The following BEND6 variants were observed in gnomAD, a reference collection of about 807,000 sequenced individuals.
The protein encoded by BEND6 is BEN domain containing 6.
BEND6 carries 24 observed loss-of-function variants against 31.8 expected under a neutral mutation model. The observed-to-expected ratio is 0.75, with a 90% CI of 0.55 to 1.06. BEND6 has a LOEUF of 1.06. Among genes scored for constraint, BEND6 ranks in the 50% least tolerant of loss-of-function variants. The probability of loss-of-function intolerance (pLI) is 0.00; values close to 1 mark genes in which losing one functional copy is unlikely to be tolerated. For missense variants in BEND6, 294 were observed against 327.4 expected (o/e 0.90, Z 0.79); for synonymous variants, 109 against 114.6 (o/e 0.95, Z 0.31).
At chr6:56,972,184 T>C (rs1182506133) in intron 1 of BEND6, among the ~76,000 whole-genome samples, 1 of 143,142 alleles carries the variant, frequency 7.0e-6, no homozygotes, top group Non-Finnish European at 1.5e-5. Context: ...AACCTCCCCT[T>C]CCTGGGTTCA....
chr6:57,009,851 C>T (rs1827285384), intron 3 of BEND6: 1 of 152,162 alleles, frequency 6.6e-6, no homozygotes, highest in Non-Finnish European at 1.5e-5. Flanking sequence ...CTGAAAACAA[C>T]CAACTCATAA....
intron 1 of BEND6, among the ~76,000 whole-genome samples, 178 bp from the exon 2 acceptor site, chr6:56,981,533 T>C (rs1826068126): frequency 6.6e-6 from 1 of 152,188 alleles, no homozygotes; most frequent in Non-Finnish European, 1.5e-5. Flanking sequence ...TATGAAATTA[T>C]TTATGATGCT....
chr6:56,997,067 A>T (rs1826744622), intron 3 of BEND6, among the ~76,000 whole-genome samples: 1 of 151,858 alleles, frequency 6.6e-6, no homozygotes, highest in Non-Finnish European at 1.5e-5. Flanking sequence ...CCTCCCCTCC[A>T]CTTACTTCTC....
rs1827601219 is a variant in BEND6 at position 57,017,389 on chromosome 6, A to G, written c.702A>G (p.Gln234=). The part of the protein sequence containing the change: ...VKPAMNQNEV[Q]EIIGVTKQLF... Reference sequence around the variant, plus strand: ...CAGCTATGAATCAGAATGAAGTCCAAGAAATCATAGGTGATAATATGATTG... The same window carrying G: ...CAGCTATGAATCAGAATGAAGTCCAGGAAATCATAGGTGATAATATGATTG... Residue 234 remains glutamine, a synonymous_variant, in exon 5 of 7, where the codon CAA becomes CAG. Transcript: ENST00000370746. 6 of 1,364,482 alleles carry G rather than the reference A, an allele frequency of 4.4e-6. 1 individual carries two copies. In the Middle Eastern group the frequency reaches 7.8e-4, roughly 178 times the overall value. 84.5% of individuals were successfully genotyped at this position (1,364,482 alleles called of 1,614,324 possible).
At chr6:56,972,086 C>CTTTTTTTTT (rs35524907) in intron 1 of BEND6, among the ~76,000 whole-genome samples, 15 of 62,552 alleles carry the variant, frequency 2.4e-4, no homozygotes, top group Admixed American at 5.1e-4. Flanking sequence ...ACTTTACTTT[C>CTTTTTTTTT]TTTTTTTTTT....
At chr6:56,955,936 G>A (rs369076243) in intron 1 of BEND6, among the ~76,000 whole-genome samples, 6 of 152,240 alleles carry the variant, frequency 3.9e-5, no homozygotes, top group African/African-American at 1.4e-4. Context: ...GTGGCCAGGG[G>A]ATTTAACACT....
chr6:56,970,172 CTTATATTAT>C (rs1825641100), intron 1 of BEND6, among the ~76,000 whole-genome samples: 1 of 151,938 alleles, frequency 6.6e-6, no homozygotes, highest in Non-Finnish European at 1.5e-5. Context: ...AAGCTCTTGG[CTTATATTAT>C]TCCTCCAACC....
At position 56,993,528 on chromosome 6, in the gene BEND6, CA is replaced by C. The variant is rs1593000406; in HGVS notation, c.298+974del. Among the ~76,000 whole-genome samples, 5 of 152,264 alleles carry C rather than the reference CA, an allele frequency of 3.3e-5. No individual in the cohort carries two copies. In the East Asian group the frequency reaches 9.6e-4, roughly 29 times the overall value. ...TTGGAGACAGAATAGTAATAAGAGA[CA>C]GATAGAACACAGTGATGAATGAGGT... On this transcript the variant is annotated intron_variant, in intron 3 of 6. Coordinates refer to ENST00000370746, the MANE Select transcript of BEND6 (RefSeq NM_152731.3).
At chr6:56,973,005 G>A (rs2127845854) in intron 1 of BEND6, among the ~76,000 whole-genome samples, 1 of 152,260 alleles carries the variant, frequency 6.6e-6, no homozygotes, top group Admixed American at 6.5e-5. Context: ...ACAAAGAAAT[G>A]AAAAATAAAG....
intron 1 of BEND6, among the ~76,000 whole-genome samples, chr6:56,971,112 C>A (rs1825672993): frequency 6.6e-6 from 1 of 152,158 alleles, no homozygotes; most frequent in African/African-American, 2.4e-5. Context: ...CCTCTGTGCT[C>A]ATTAAACAAT....
At chr6:57,004,483 C>G (rs978481108) in intron 3 of BEND6, 5 of 660,084 alleles carry the variant, frequency 7.6e-6, no homozygotes, top group South Asian at 4.5e-5. Flanking sequence ...GCCCTGGGAC[C>G]GTCCCAAGGC....
chr6:56,960,065 G>A (rs1592960253), intron 1 of BEND6, among the ~76,000 whole-genome samples: 1 of 152,128 alleles, frequency 6.6e-6, no homozygotes, highest in East Asian at 1.9e-4. Flanking sequence ...TTTTTGGAAA[G>A]TAATCATTTA....
At chr6:56,958,276 T>C (rs956019792) in intron 1 of BEND6, among the ~76,000 whole-genome samples, 2 of 152,182 alleles carry the variant, frequency 1.3e-5, no homozygotes, top group Admixed American at 6.5e-5. Flanking sequence ...AAGATAGCAG[T>C]GAGTAAGGTG....
At chr6:56,994,135 T>C (rs1230154356) in intron 3 of BEND6, among the ~76,000 whole-genome samples, 1 of 152,106 alleles carries the variant, frequency 6.6e-6, no homozygotes, top group East Asian at 1.9e-4. Context: ...GAAAAGCTAG[T>C]TTATAAAATT....
chr6:56,963,942 G>A (rs1397709321), intron 1 of BEND6, among the ~76,000 whole-genome samples: 2 of 146,772 alleles, frequency 1.4e-5, no homozygotes, highest in Admixed American at 6.8e-5. Context: ...AAATATTTTT[G>A]TAATAATATT....
intron 1 of BEND6, among the ~76,000 whole-genome samples, chr6:56,970,541 G>A (rs1562537019): frequency 6.6e-6 from 1 of 152,158 alleles, no homozygotes; most frequent in Non-Finnish European, 1.5e-5. Context: ...GCAACTATTA[G>A]AGAATTAATA....
chr6:57,026,408 C>G lies in BEND6; in HGVS notation c.*336C>G, dbSNP rs960627693. On this transcript the variant is annotated 3_prime_UTR_variant, in exon 7 of 7. Transcript: ENST00000370746. Reference sequence around the variant, plus strand: ...AGTTAATCTAACAGGATAGTCAGAGCTCTTATCATAGCAGCCAAAACTTCA... The same window carrying G: ...AGTTAATCTAACAGGATAGTCAGAGGTCTTATCATAGCAGCCAAAACTTCA... The G allele has an allele frequency of 6.6e-6, 1 of 152,212 alleles. No individual in the cohort carries two copies. Among genetic ancestry groups the G allele is most frequent in the Non-Finnish European group, 1.5e-5 (1 of 68,034 alleles). The allele number at this position is 152,212 out of a possible 1,614,324, so 9.4% of individuals were successfully genotyped here.
chr6:56,997,846 C>T (rs901114854), intron 3 of BEND6, among the ~76,000 whole-genome samples: 4 of 152,172 alleles, frequency 2.6e-5, no homozygotes, highest in African/African-American at 9.7e-5. Context: ...GCTACCGCGC[C>T]TGGCCCATTT....
At chr6:56,959,874 T>C (rs1173783421) in intron 1 of BEND6, among the ~76,000 whole-genome samples, 3 of 152,156 alleles carry the variant, frequency 2.0e-5, no homozygotes, top group Non-Finnish European at 4.4e-5. Context: ...AGAGCCTAAT[T>C]AGGTTTTGTT....
Sources: gnomAD v4.1 joint callset for allele counts (sites outside exome capture counted in the v4.1 genomes callset) on GRCh38, gnomAD v4.1.1 for gene constraint, MANE v1.5 for transcripts, NCBI Gene and HGNC (gene_info 2026-07-23, HGNC 2026-07-21) for gene names.